ZNF202: variants seen among roughly 807,000 people sequenced by gnomAD.
ZNF202 encodes the protein zinc finger protein with KRAB and SCAN domains 10.
A neutral mutation model predicts 54.5 loss-of-function variants in ZNF202; 22 were observed. That is an observed-to-expected ratio of 0.40 (90% CI 0.29 to 0.58). The LOEUF (loss-of-function observed/expected upper bound fraction) is 0.58, where lower values mean the gene tolerates loss of function less well. Ranked by LOEUF, ZNF202 falls within the 20% of genes least tolerant of loss-of-function variation. The probability of loss-of-function intolerance (pLI) is 0.39; values close to 1 mark genes in which losing one functional copy is unlikely to be tolerated. For missense variants in ZNF202, 644 were observed against 805.5 expected, an observed-to-expected ratio of 0.80 and a Z score of 2.43; for synonymous variants, 294 against 301.4, an observed-to-expected ratio of 0.98 and a Z score of 0.26.
intron 3 of ZNF202, chr11:123,739,057 G>C (rs748785848): frequency 1.3e-5 from 2 of 152,202 alleles, no homozygotes; most frequent in African/African-American, 2.4e-5. Context: ...ACTTTGTGGA[G>C]CCCTTAGTAG....
intron 3 of ZNF202, among the ~76,000 whole-genome samples, chr11:123,736,668 T>C (rs1861645471): frequency 6.6e-6 from 1 of 152,208 alleles, no homozygotes; most frequent in Non-Finnish European, 1.5e-5. Flanking sequence ...TTCCACATAA[T>C]GGTTAGTGGC....
At chr11:123,736,906 T>C (rs1861655777) in intron 3 of ZNF202, among the ~76,000 whole-genome samples, 2 of 152,156 alleles carry the variant, frequency 1.3e-5, no homozygotes, top group South Asian at 4.1e-4. Context: ...CTTCAAGCTA[T>C]TTGAAATCGT....
Position 123,740,106 on chromosome 11 carries a change from C to A in ZNF202, c.-98+11G>T, listed in dbSNP as rs1354867119. On this transcript the variant is annotated intron_variant, in intron 3 of 8. Coordinates refer to ENST00000530393, the MANE Select transcript of ZNF202 (RefSeq NM_003455.4). ...TTTACTGGGAAAAAAAAATGTAAAC[C>A]TGTAACTTACCTCATCTGTACAATT... The A allele has an allele frequency of 6.6e-6, 1 of 152,166 alleles. No homozygotes were observed. The highest frequency in any genetic ancestry group is 1.5e-5 in the Non-Finnish European group (1 of 68,038). 9.4% of individuals were successfully genotyped at this position (152,166 alleles called of 1,614,324 possible).
chr11:123,729,648 G>C lies in ZNF202; in HGVS notation c.580C>G (p.Gln194Glu), dbSNP rs941669595. ...TGCAGGGTCTGGAGCTCCTCTTCCT[G>C]GTGTGGACGCTGCTCTGCCGGTGCC... ...LGAPAEQRPH[Q>E]EEELQTLQES... Residue 194 changes from glutamine (Q) to glutamate (E), a missense_variant, in exon 5 of 9, where the codon CAG (glutamine) becomes GAG (glutamate). Physicochemically the swap from Gln to Glu is conservative, Grantham distance 29 (BLOSUM62 2). This residue lies in a region of ZNF202 where 536 missense variants were observed against 635.3 expected (regional missense o/e 0.84). Transcript: ENST00000530393. 1 of 1,607,702 alleles carries C rather than the reference G, an allele frequency of 6.2e-7. No homozygotes were observed. The highest frequency in any genetic ancestry group is 1.7e-5 in the Admixed American group (1 of 58,972).
In ZNF202 at chr11:123,725,885, G is replaced by T; in HGVS notation, c.*112C>A. 7.8e-7 allele frequency: 1 copy of T among 1,285,202 alleles called. No homozygotes were observed. The highest frequency in any genetic ancestry group is 1.1e-6 in the Non-Finnish European group (1 of 950,914). 79.6% of individuals were successfully genotyped at this position (1,285,202 alleles called of 1,614,324 possible). A position where few individuals can be genotyped will look rare whatever the true frequency, so the allele number is the denominator to read the frequency against. On this transcript the variant is annotated 3_prime_UTR_variant, in exon 9 of 9. Transcript: ENST00000530393. Reference sequence around the variant, plus strand: ...GAAGAGGTAATGTCAGATCTGAGCAGGTCAGGGAGACTCCCTCGAAAAGGT... The same window carrying T: ...GAAGAGGTAATGTCAGATCTGAGCATGTCAGGGAGACTCCCTCGAAAAGGT...
chr11:123,739,476 G>C (rs939259611), intron 3 of ZNF202: 7 of 152,160 alleles, frequency 4.6e-5, no homozygotes, highest in African/African-American at 1.7e-4. Flanking sequence ...CAGAATTTTA[G>C]CAATACTAGG....
chr11:123,735,099 T>C (rs1388742787), intron 3 of ZNF202, among the ~76,000 whole-genome samples: 4 of 152,224 alleles, frequency 2.6e-5, no homozygotes, highest in Admixed American at 1.3e-4. Flanking sequence ...GGAACTACAA[T>C]ACTAATTATT....
At position 123,725,892 on chromosome 11, in the gene ZNF202, G is replaced by C. The variant is rs1489094690; in HGVS notation, c.*105C>G. Reference sequence around the variant, plus strand: ...TAATGTCAGATCTGAGCAGGTCAGGGAGACTCCCTCGAAAAGGTCTTCCCA... The same window carrying C: ...TAATGTCAGATCTGAGCAGGTCAGGCAGACTCCCTCGAAAAGGTCTTCCCA... On this transcript the variant is annotated 3_prime_UTR_variant, in exon 9 of 9. Coordinates refer to ENST00000530393, the MANE Select transcript of ZNF202 (RefSeq NM_003455.4). The C allele has an allele frequency of 7.4e-7, 1 of 1,357,544 alleles. No individual in the cohort carries two copies. The highest frequency in any genetic ancestry group is 1.5e-5 in the African/African-American group (1 of 68,446). 84.1% of individuals were successfully genotyped at this position (1,357,544 alleles called of 1,614,324 possible). A position where few individuals can be genotyped will look rare whatever the true frequency, so the allele number is the denominator to read the frequency against.
intron 3 of ZNF202, among the ~76,000 whole-genome samples, chr11:123,735,282 AAG>A (rs1030737241): frequency 3.3e-5 from 5 of 152,202 alleles, no homozygotes; most frequent in Non-Finnish European, 7.3e-5. Context: ...CACTAGGTAC[AAG>A]AGATTCCACA....
At position 123,725,865 on chromosome 11, in the gene ZNF202, G is replaced by A. The variant is rs1861107105; in HGVS notation, c.*132C>T. The A allele has an allele frequency of 9.4e-7, 1 of 1,061,762 alleles. No individual in the cohort carries two copies. The highest frequency in any genetic ancestry group is 2.9e-5 in the Admixed American group (1 of 34,624). The allele number at this position is 1,061,762 out of a possible 1,614,324, so 65.8% of individuals were successfully genotyped here. ...AGGCTCGTGTTTAGTTGCAGGAAGA[G>A]GTAATGTCAGATCTGAGCAGGTCAG... On this transcript the variant is annotated 3_prime_UTR_variant, in exon 9 of 9. Coordinates refer to ENST00000530393, the MANE Select transcript of ZNF202 (RefSeq NM_003455.4).
intron 3 of ZNF202, among the ~76,000 whole-genome samples, chr11:123,736,634 T>C (rs1861643314): frequency 6.6e-6 from 1 of 152,240 alleles, no homozygotes; most frequent in Non-Finnish European, 1.5e-5. Context: ...TTGATTGTCC[T>C]ATATACAAGC....
intron 3 of ZNF202, among the ~76,000 whole-genome samples, chr11:123,736,706 C>T (rs1241774949): frequency 6.6e-6 from 1 of 151,588 alleles, no homozygotes; most frequent in Non-Finnish European, 1.5e-5. Context: ...GAATCCCTGA[C>T]CTCGAATCCC....
chr11:123,727,039 T>C lies in ZNF202; in HGVS notation c.953-48A>G, dbSNP rs371506326. ...AAGGGGGTCACTGTAGCGGCAACAA[T>C]GCCTTCTACACAATGGGGAGATTTT... is the stretch of plus-strand genomic sequence containing the variant. On this transcript the variant is annotated intron_variant, in intron 8 of 8. Coordinates refer to ENST00000530393, the MANE Select transcript of ZNF202 (RefSeq NM_003455.4). 2.6e-5 allele frequency: 41 copies of C among 1,561,700 alleles called. No individual in the cohort carries two copies. In the African/African-American group the frequency reaches 4.1e-4, roughly 16 times the overall value.
In ZNF202 at chr11:123,734,867, T is replaced by C. The variant is rs544764451; in HGVS notation, c.-97-3882A>G. Among the ~76,000 whole-genome samples, 17 of 152,220 alleles carry C rather than the reference T, an allele frequency of 1.1e-4. No individual in the cohort carries two copies. In the East Asian group the frequency reaches 1.5e-3, roughly 14 times the overall value. ...ACTGTGTGCTGGATAAAGGCATACA[T>C]AGGGAAAAAAACATTTATTGTTTGG... On this transcript the variant is annotated intron_variant, in intron 3 of 8. Coordinates refer to ENST00000530393, the MANE Select transcript of ZNF202 (RefSeq NM_003455.4).
intron 3 of ZNF202, chr11:123,739,297 C>CA (rs1406680725): frequency 2.6e-5 from 4 of 152,038 alleles, no homozygotes; most frequent in African/African-American, 7.3e-5. Flanking sequence ...AGCATAAGGC[C>CA]AGTAGAGAAA....
chr11:123,730,465 G>A lies in ZNF202; in HGVS notation c.402+22C>T. 1 of 1,515,068 alleles carries A rather than the reference G, an allele frequency of 6.6e-7. No homozygotes were observed. Among genetic ancestry groups the A allele is most frequent in the Non-Finnish European group, 8.8e-7 (1 of 1,134,152 alleles). The allele number at this position is 1,515,068 out of a possible 1,614,324, so 93.9% of individuals were successfully genotyped here. On this transcript the variant is annotated intron_variant, in intron 4 of 8. Transcript: ENST00000530393. This position sits in a 1 kb window ranked among gnomAD's most constrained non-coding sequence, Gnocchi z 6.0. ...AAATAGTCCCCCTCCACATCACACA[G>A]ATCAGGACTCCCCCTCCTCACCCAC...
chr11:123,741,411 G>A (rs1317358300), intron 1 of ZNF202, 138 bp downstream of exon 1: 1 of 152,326 alleles, frequency 6.6e-6, no homozygotes, highest in Admixed American at 6.5e-5. Context: ...CCCTTCCCCA[G>A]GACACGGCGA....
chr11:123,741,203 GAC>G (rs1396222866), intron 1 of ZNF202, among the ~76,000 whole-genome samples: 1 of 152,142 alleles, frequency 6.6e-6, no homozygotes, highest in Non-Finnish European at 1.5e-5. Context: ...GTTCCGGGGG[GAC>G]AGTTGGCGCG....
chr11:123,735,290 C>T (rs1861585020), intron 3 of ZNF202, among the ~76,000 whole-genome samples: 1 of 152,118 alleles, frequency 6.6e-6, no homozygotes, highest in Non-Finnish European at 1.5e-5. Flanking sequence ...ACAAGAGATT[C>T]CACAGTATGG....
Sources: allele counts gnomAD v4.1 joint callset (sites outside exome capture counted in the v4.1 genomes callset), GRCh38; gene constraint gnomAD v4.1.1; regional missense constraint gnomAD v4.1.1; non-coding constraint Gnocchi (gnomAD v3.1); transcripts MANE v1.5; gene names NCBI Gene and HGNC (gene_info 2026-07-23, HGNC 2026-07-21).